The following ACER3 variants were observed in gnomAD, a reference collection of about 807,000 sequenced individuals.
ACER3 encodes the protein alkCDase 3.
In ACER3, 16 loss-of-function variants were observed where a neutral mutation model predicts 48.9. That is an observed-to-expected ratio of 0.33 (90% CI 0.22 to 0.50). The LOEUF (loss-of-function observed/expected upper bound fraction) is 0.50. Ranked by LOEUF, ACER3 falls within the 20% of genes least tolerant of loss-of-function variation. The pLI is 0.98. For missense variants in ACER3, 227 were observed against 326.0 expected (o/e 0.70, Z 2.34); for synonymous variants, 109 against 107.8 (o/e 1.01, Z -0.07).
At chr11:76,964,591 G>C (rs1189242498) in intron 3 of ACER3, among the ~76,000 whole-genome samples, 3 of 151,216 alleles carry the variant, frequency 2.0e-5, no homozygotes, top group Non-Finnish European at 4.4e-5. Context: ...ACCTCACACG[G>C]CTGGGTACTC....
rs554975727 is a variant in ACER3 at position 76,885,673 on chromosome 11, G to A, written c.103+24594G>A. ...ATTTCAGTGGGCGCTGGGATGTAGG[G>A]GCTGCCACTAGTTGTATGGTACGTG... On this transcript the variant is annotated intron_variant, in intron 1 of 10. Transcript: ENST00000532485. Among the ~76,000 whole-genome samples, 6 of 152,242 alleles carry A rather than the reference G, an allele frequency of 3.9e-5. No individual in the cohort carries two copies. In the South Asian group the frequency reaches 1.2e-3, roughly 32 times the overall value.
chr11:76,891,237 TTATATATATAATATATATATAATATA>T (rs1565161704), intron 1 of ACER3, among the ~76,000 whole-genome samples: 1 of 147,266 alleles, frequency 6.8e-6, no homozygotes, highest in African/African-American at 2.5e-5. Context: ...TTGTGATATT[TTATATATATAATATATATATAATATA>T]TATATATATG....
intron 2 of ACER3, among the ~76,000 whole-genome samples, chr11:76,952,251 ATTCT>A (rs1467872921): frequency 6.7e-6 from 1 of 150,268 alleles, no homozygotes; most frequent in Non-Finnish European, 1.5e-5. Context: ...TCACTATACT[ATTCT>A]TTCTTTCTTT....
intron 7 of ACER3, among the ~76,000 whole-genome samples, chr11:77,008,352 G>C (rs1246676510): frequency 6.6e-6 from 1 of 152,178 alleles, no homozygotes; most frequent in Non-Finnish European, 1.5e-5. Flanking sequence ...CTTAAATCAA[G>C]TCTGATAGAC....
intron 1 of ACER3, among the ~76,000 whole-genome samples, chr11:76,879,273 A>G (rs1374994895): frequency 6.6e-6 from 1 of 152,142 alleles, no homozygotes; most frequent in African/African-American, 2.4e-5. Flanking sequence ...TCAGGTCTAT[A>G]TCCATCTCAG....
chr11:76,970,290 G>C (rs1201216530), intron 3 of ACER3, among the ~76,000 whole-genome samples: 1 of 152,214 alleles, frequency 6.6e-6, no homozygotes, highest in South Asian at 2.1e-4. Context: ...TTTATTTTTG[G>C]TTTACATATG....
intron 2 of ACER3, among the ~76,000 whole-genome samples, chr11:76,942,766 C>A (rs746053570): frequency 6.0e-5 from 9 of 150,842 alleles, no homozygotes; most frequent in Non-Finnish European, 1.3e-4. Context: ...GGTATTAGTT[C>A]TTCTTTGTAT....
chr11:76,959,752 A>G (rs1198820528), intron 3 of ACER3, among the ~76,000 whole-genome samples: 2 of 151,436 alleles, frequency 1.3e-5, no homozygotes, highest in Non-Finnish European at 2.9e-5. Flanking sequence ...CGGGGTTTCA[A>G]CATGTTGGCC....
At chr11:76,953,906 A>G (rs1443405359) in intron 2 of ACER3, among the ~76,000 whole-genome samples, 2 of 151,482 alleles carry the variant, frequency 1.3e-5, no homozygotes, top group African/African-American at 2.4e-5. Context: ...CTTAGGATAA[A>G]GTCCAAATCT....
chr11:77,023,371 A>G lies in ACER3; in HGVS notation c.*3044A>G, dbSNP rs1949500843. ...ATTAAGAGACAAAACCTTCAGGTAC[A>G]TAATGCATGAAAATCTTTAAATGCC... On this transcript the variant is annotated 3_prime_UTR_variant, in exon 11 of 11. Transcript: ENST00000532485. The G allele has an allele frequency of 2.6e-6, 1 of 384,562 alleles. No homozygotes were observed. Among genetic ancestry groups the G allele is most frequent in the Non-Finnish European group, 4.6e-6 (1 of 216,974 alleles). The allele number at this position is 384,562 out of a possible 1,614,324, so 23.8% of individuals were successfully genotyped here.
intron 2 of ACER3, 31 bp from the exon 3 acceptor site, chr11:76,958,948 T>C: frequency 6.2e-7 from 1 of 1,612,408 alleles, no homozygotes; most frequent in Non-Finnish European, 8.5e-7. Flanking sequence ...AAGAATTTCA[T>C]GCTAATTTTT....
At chr11:76,995,840 C>A (rs1402861723) in intron 6 of ACER3, among the ~76,000 whole-genome samples, 2 of 152,142 alleles carry the variant, frequency 1.3e-5, no homozygotes, top group African/African-American at 4.8e-5. Flanking sequence ...CCTAATCCAT[C>A]ATTTCGTATG....
intron 1 of ACER3, among the ~76,000 whole-genome samples, chr11:76,906,104 G>T (rs1209123459): frequency 6.6e-6 from 1 of 152,166 alleles, no homozygotes; most frequent in Non-Finnish European, 1.5e-5. Context: ...AGCTAACCAT[G>T]GGAGGAATTT....
intron 6 of ACER3, among the ~76,000 whole-genome samples, chr11:76,991,347 A>C (rs909815749): frequency 6.6e-6 from 1 of 152,204 alleles, no homozygotes; most frequent in Admixed American, 6.5e-5. Context: ...GTTTTAAAAT[A>C]TTTTGTGCTT....
intron 7 of ACER3, among the ~76,000 whole-genome samples, chr11:77,005,992 T>TATACATAGATATATA (rs1491403985): frequency 1.4e-5 from 1 of 70,588 alleles, no homozygotes. Flanking sequence ...TATATATATA[T>TATACATAGATATATA]TTTTTTTTTT....
chr11:76,895,028 A>C (rs1197545992), intron 1 of ACER3, among the ~76,000 whole-genome samples: 1 of 152,102 alleles, frequency 6.6e-6, no homozygotes, highest in East Asian at 1.9e-4. Context: ...CAGTAGTTTT[A>C]ATACTTTATT....
At chr11:76,919,296 AAC>A (rs1224292598) in intron 1 of ACER3, among the ~76,000 whole-genome samples, 3 of 152,138 alleles carry the variant, frequency 2.0e-5, no homozygotes, top group African/African-American at 7.2e-5. Context: ...CCTATGAGAA[AAC>A]ACTTTCCTAC....
chr11:76,965,221 CG>C (rs1337283029), intron 3 of ACER3, among the ~76,000 whole-genome samples: 1 of 150,820 alleles, frequency 6.6e-6, no homozygotes, highest in Non-Finnish European at 1.5e-5. Context: ...TGATGGAAGA[CG>C]AAATGAATGA....
intron 1 of ACER3, among the ~76,000 whole-genome samples, chr11:76,886,403 G>C (rs1945672226): frequency 2.0e-5 from 3 of 152,212 alleles, no homozygotes. Flanking sequence ...CCTTTGGAGT[G>C]TTTTCAGCCA....
Sources: gnomAD v4.1 joint callset for allele counts (sites outside exome capture counted in the v4.1 genomes callset) on GRCh38, gnomAD v4.1.1 for gene constraint, MANE v1.5 for transcripts, NCBI Gene and HGNC (gene_info 2026-07-23, HGNC 2026-07-21) for gene names.